The following SLC8A3 variants were observed in gnomAD, a reference collection of about 807,000 sequenced individuals.
SLC8A3 encodes solute carrier family 8 member A3.
In SLC8A3, 37 loss-of-function variants were observed where a neutral mutation model predicts 65.4. The observed-to-expected ratio is 0.57, with a 90% CI of 0.44 to 0.74. SLC8A3 has a LOEUF of 0.74. Among genes scored for constraint, SLC8A3 ranks in the 30% least tolerant of loss-of-function variants. The pLI, the probability that SLC8A3 is intolerant of heterozygous loss-of-function variation, is 0.00. For missense variants in SLC8A3, 1,112 were observed against 1,172.1 expected (o/e 0.95, Z 0.75); for synonymous variants, 461 against 444.5 (o/e 1.04, Z -0.47).
chr14:70,049,129 C>T, intron 5 of SLC8A3, 87 bp from the exon 6 acceptor site: 1 of 1,314,988 alleles, frequency 7.6e-7, no homozygotes, highest in African/African-American at 1.5e-5. Flanking sequence ...GCACCACAGG[C>T]ATCATCCGCT....
intron 2 of SLC8A3, among the ~76,000 whole-genome samples, chr14:70,110,926 T>C (rs1283994437): frequency 6.6e-6 from 1 of 152,262 alleles, no homozygotes; most frequent in African/African-American, 2.4e-5. Context: ...ATGATCTGCC[T>C]GCCTCGGCCT....
chr14:70,058,618 T>G (rs1888424096), intron 3 of SLC8A3, among the ~76,000 whole-genome samples: 2 of 152,222 alleles, frequency 1.3e-5, no homozygotes, highest in Admixed American at 6.5e-5. Flanking sequence ...GAAGATGTCC[T>G]TAAATGGGGA....
At chr14:70,063,504 C>A (rs928764656) in intron 2 of SLC8A3, among the ~76,000 whole-genome samples, 1 of 152,208 alleles carries the variant, frequency 6.6e-6, no homozygotes, top group African/African-American at 2.4e-5. Flanking sequence ...AAGAGCCGCA[C>A]ATGATACTCC....
chr14:70,127,527 T>C (rs959099213), intron 2 of SLC8A3, among the ~76,000 whole-genome samples: 4 of 152,122 alleles, frequency 2.6e-5, no homozygotes, highest in African/African-American at 9.7e-5. Flanking sequence ...ATGGTGATGG[T>C]GATGGGTTAA....
chr14:70,050,871 A>G (rs890219004), intron 5 of SLC8A3, 137 bp downstream of exon 5: 6 of 591,084 alleles, frequency 1.0e-5, no homozygotes, highest in African/African-American at 1.9e-5. Flanking sequence ...TTTTCCAAGC[A>G]GGCACCTAGG....
At chr14:70,172,043 T>A (rs1170800070) in intron 1 of SLC8A3, among the ~76,000 whole-genome samples, 1 of 152,116 alleles carries the variant, frequency 6.6e-6, no homozygotes, top group Non-Finnish European at 1.5e-5. Context: ...GATCCCAACA[T>A]CTTGGGGGTC....
chr14:70,149,380 G>A (rs1896123304), intron 2 of SLC8A3, among the ~76,000 whole-genome samples: 1 of 152,184 alleles, frequency 6.6e-6, no homozygotes, highest in Admixed American at 6.5e-5. Flanking sequence ...GGAGAGTCAC[G>A]GGTCTTGCTC....
At chr14:70,048,469 A>G (rs1887050219) in intron 6 of SLC8A3, 1 of 599,662 alleles carries the variant, frequency 1.7e-6, no homozygotes, top group South Asian at 2.1e-5. Context: ...TTGTCTGTGA[A>G]GTGGGGATAA....
intron 2 of SLC8A3, among the ~76,000 whole-genome samples, chr14:70,079,330 CAAAAAAAAA>C (rs11464342): frequency 7.8e-4 from 63 of 80,932 alleles, no homozygotes; most frequent in East Asian, 2.4e-3. Flanking sequence ...CTAAAAAATA[CAAAAAAAAA>C]AAAAAAAAAA....
At chr14:70,096,927 A>C (rs1359716301) in intron 2 of SLC8A3, among the ~76,000 whole-genome samples, 1 of 152,208 alleles carries the variant, frequency 6.6e-6, no homozygotes, top group Non-Finnish European at 1.5e-5. Flanking sequence ...AGAGATAAAC[A>C]GAGTCTTGTG....
At chr14:70,149,333 A>T (rs1387195255) in intron 2 of SLC8A3, among the ~76,000 whole-genome samples, 1 of 152,100 alleles carries the variant, frequency 6.6e-6, no homozygotes, top group African/African-American at 2.4e-5. Flanking sequence ...TCTTCTGGGG[A>T]TGCGTGGGGA....
chr14:70,130,055 T>C (rs1336480090), intron 2 of SLC8A3, among the ~76,000 whole-genome samples: 1 of 152,196 alleles, frequency 6.6e-6, no homozygotes, highest in Non-Finnish European at 1.5e-5. Flanking sequence ...CTCACTCTCT[T>C]TCCCTCAATG....
intron 2 of SLC8A3, among the ~76,000 whole-genome samples, chr14:70,100,437 A>G (rs1892484785): frequency 6.6e-6 from 1 of 152,244 alleles, no homozygotes; most frequent in Non-Finnish European, 1.5e-5. Context: ...TTTTTGACGT[A>G]GTCTTTATTG....
At chr14:70,047,051 C>T (rs1272394791) in intron 6 of SLC8A3, 4 of 152,200 alleles carry the variant, frequency 2.6e-5, no homozygotes, top group African/African-American at 9.7e-5. Context: ...TAGCAAGAGA[C>T]TTGACCCTAA....
At position 70,045,894 on chromosome 14, in the gene SLC8A3, C is replaced by T. The variant is rs1886702879; in HGVS notation, c.*53G>A. 6.7e-7 allele frequency: 1 copy of T among 1,488,226 alleles called. No homozygotes were observed. Among genetic ancestry groups the T allele is most frequent in the South Asian group, 1.4e-5 (1 of 73,282 alleles). The allele number at this position is 1,488,226 out of a possible 1,614,324, so 92.2% of individuals were successfully genotyped here. A position where few individuals can be genotyped will look rare whatever the true frequency, so the allele number is the denominator to read the frequency against. On this transcript the variant is annotated 3_prime_UTR_variant, in exon 7 of 7. Transcript: ENST00000356921. ...GAGAGATCACTGGTGGGGAAGTGCC[C>T]TTCTCTTAGGAGAAGTCCTAGGCCT...
chr14:70,149,172 T>A (rs908760983), intron 2 of SLC8A3, among the ~76,000 whole-genome samples: 1 of 152,168 alleles, frequency 6.6e-6, no homozygotes, highest in Non-Finnish European at 1.5e-5. Flanking sequence ...TGGCACTTCA[T>A]TAGGTTACAG....
chr14:70,160,684 C>G (rs1225280626), intron 2 of SLC8A3, among the ~76,000 whole-genome samples: 1 of 152,008 alleles, frequency 6.6e-6, no homozygotes, highest in Non-Finnish European at 1.5e-5. Flanking sequence ...AATTGCTGAT[C>G]CAGTGTTGTC....
intron 2 of SLC8A3, among the ~76,000 whole-genome samples, chr14:70,162,836 G>T (rs1053767445): frequency 6.6e-6 from 1 of 152,148 alleles, no homozygotes; most frequent in Non-Finnish European, 1.5e-5. Flanking sequence ...TTGTAATATG[G>T]ATGTAAATTA....
At chr14:70,184,211 G>A (rs754480512) in intron 1 of SLC8A3, among the ~76,000 whole-genome samples, 1 of 152,068 alleles carries the variant, frequency 6.6e-6, no homozygotes, top group Non-Finnish European at 1.5e-5. Flanking sequence ...CCATACACCT[G>A]GGTTTCTATA....
Sources: gnomAD v4.1 joint callset for allele counts (sites outside exome capture counted in the v4.1 genomes callset) on GRCh38, gnomAD v4.1.1 for gene constraint, MANE v1.5 for transcripts, NCBI Gene and HGNC (gene_info 2026-07-23, HGNC 2026-07-21) for gene names.